The following NEXMIF variants were observed in gnomAD, a reference collection of about 807,000 sequenced individuals.
NEXMIF encodes neurite extension and migration factor.
Under a neutral mutation model 62.1 loss-of-function variants are expected in NEXMIF, and 8 were observed. That is an observed-to-expected ratio of 0.13 (90% confidence interval 0.08 to 0.23). The LOEUF is 0.23. Ranked by LOEUF, NEXMIF falls within the 10% of genes least tolerant of loss-of-function variation. NEXMIF has a pLI of 1.00. For synonymous variants in NEXMIF, 404 were observed against 416.6 expected (o/e 0.97, Z 0.37); for missense variants, 976 against 1,113.3 (o/e 0.88, Z 1.75).
At chrX:74,829,606 G>T (rs1377916190) in intron 1 of NEXMIF, among the ~76,000 whole-genome samples, 1 of 111,508 alleles carries the variant, frequency 9.0e-6, no homozygotes, top group Non-Finnish European at 1.9e-5. Context: ...AGCCCTATTT[G>T]CATTTTTTTG....
chrX:74,751,649 C>T (rs1189070621), intron 1 of NEXMIF, among the ~76,000 whole-genome samples: 3 of 99,378 alleles, frequency 3.0e-5, no homozygotes, highest in Non-Finnish European at 6.0e-5. Flanking sequence ...TCCTTCCTTC[C>T]TTCCTTCCTT....
In NEXMIF at chrX:74,925,397, T is replaced by TGGC. The variant is rs1416539725; in HGVS notation, c.-565_-563dup. 31 of 193,510 alleles carry TGGC rather than the reference T, an allele frequency of 1.6e-4. 1 individual carries two copies. Among genetic ancestry groups the TGGC allele is most frequent in the Admixed American group, 3.2e-4 (6 of 18,656 alleles). 15.9% of individuals were successfully genotyped at this position (193,510 alleles called of 1,213,427 possible). Reference sequence around the variant, plus strand: ...GCTACTGCCGCTAATGCTACTGCTGTGGCGGCGGTGGTGGCGGCGGCGGCT... The same window carrying TGGC: ...GCTACTGCCGCTAATGCTACTGCTGTGGCGGCGGCGGTGGTGGCGGCGGCGGCT... On this transcript the variant is annotated 5_prime_UTR_variant, in exon 1 of 4. Coordinates refer to ENST00000055682, the MANE Select transcript of NEXMIF (RefSeq NM_001008537.3).
chrX:74,812,910 T>C (rs2080364928), intron 1 of NEXMIF, among the ~76,000 whole-genome samples: 2 of 111,739 alleles, frequency 1.8e-5, no homozygotes, highest in Non-Finnish European at 3.8e-5. Context: ...TTTCTCCTAA[T>C]GTGATTGGTG....
intron 1 of NEXMIF, among the ~76,000 whole-genome samples, chrX:74,816,553 G>A (rs906531099): frequency 1.8e-5 from 2 of 111,883 alleles, no homozygotes; most frequent in African/African-American, 3.2e-5. Flanking sequence ...AGAATGAAAA[G>A]ATAATGAATA....
chrX:74,796,171 T>TACA (rs1556023986), intron 1 of NEXMIF, among the ~76,000 whole-genome samples: 1 of 71,831 alleles, frequency 1.4e-5, no homozygotes, highest in Non-Finnish European at 2.5e-5. Flanking sequence ...ATTATATATA[T>TACA]TATATATATA....
chrX:74,750,741 A>AT (rs1350182123), intron 1 of NEXMIF, among the ~76,000 whole-genome samples: 1 of 111,409 alleles, frequency 9.0e-6, no homozygotes, highest in African/African-American at 3.3e-5. Flanking sequence ...TTAAGACCCT[A>AT]AGCTAGAAAT....
At position 74,870,925 on chromosome X, in the gene NEXMIF, TA is replaced by T. The variant is rs1336771890; in HGVS notation, c.-48+53957del. On this transcript the variant is annotated intron_variant, in intron 1 of 3. Transcript: ENST00000055682. ...ACAGTTTGTAGGGTCCTCAAAAAAC[TA>T]AAGATAGAGCTACCACAAAATCTAG... Among the ~76,000 whole-genome samples, 34 of 111,789 alleles carry T rather than the reference TA, an allele frequency of 3.0e-4. No individual in the cohort carries two copies. The Admixed American group carries it at 3.0e-3, about 10-fold the overall frequency.
chrX:74,884,130 A>C (rs974362312), intron 1 of NEXMIF, among the ~76,000 whole-genome samples: 7 of 111,854 alleles, frequency 6.3e-5, no homozygotes, highest in African/African-American at 2.0e-4. Context: ...CTGCCCTAAA[A>C]AGCTCCTGAA....
intron 1 of NEXMIF, among the ~76,000 whole-genome samples, chrX:74,840,501 T>G (rs1044728178): frequency 2.7e-5 from 3 of 112,240 alleles, no homozygotes; most frequent in African/African-American, 6.5e-5. Context: ...AGATCCCACT[T>G]GTCAATTTTT....
chrX:74,802,476 A>G (rs1198637259), intron 1 of NEXMIF, among the ~76,000 whole-genome samples: 1 of 111,362 alleles, frequency 9.0e-6, no homozygotes, highest in African/African-American at 3.3e-5. Flanking sequence ...CGGTACCTCT[A>G]AGAGTCTGCA....
intron 1 of NEXMIF, among the ~76,000 whole-genome samples, chrX:74,788,952 TTTTATTTATTTA>T (rs770694672): frequency 9.0e-6 from 1 of 110,760 alleles, no homozygotes; most frequent in Non-Finnish European, 1.9e-5. Flanking sequence ...ATTGATATTC[TTTTATTTATTTA>T]TTTATTTATT....
At chrX:74,787,734 T>C (rs745521436) in intron 1 of NEXMIF, among the ~76,000 whole-genome samples, 19 of 111,888 alleles carry the variant, frequency 1.7e-4, no homozygotes, top group Non-Finnish European at 2.4e-4. Context: ...CTTACCTCTT[T>C]GGGCGAGAGA....
At chrX:74,837,527 T>C (rs1438982876) in intron 1 of NEXMIF, among the ~76,000 whole-genome samples, 2 of 112,394 alleles carry the variant, frequency 1.8e-5, no homozygotes, top group African/African-American at 6.5e-5. Context: ...TGTTCCCTGC[T>C]TTTGTCACAT....
chrX:74,737,738 T>C lies in NEXMIF; in HGVS notation c.*1667A>G, dbSNP rs923036283. 1.8e-5 allele frequency: 2 copies of C among 111,616 alleles called. No homozygotes were observed. Among genetic ancestry groups the C allele is most frequent in the Non-Finnish European group, 3.8e-5 (2 of 53,086 alleles). The allele number at this position is 111,616 out of a possible 1,213,427, so 9.2% of individuals were successfully genotyped here. The stretch of plus-strand genomic sequence containing the variant: ...ATACATTTAGGTGGCATTGACTAGG[T>C]AGGTTCATATTTTGCTTAAAATTTT... On this transcript the variant is annotated 3_prime_UTR_variant, in exon 4 of 4. Transcript: ENST00000055682.
intron 1 of NEXMIF, among the ~76,000 whole-genome samples, chrX:74,894,145 A>T (rs2080726047): frequency 9.1e-6 from 1 of 109,842 alleles, no homozygotes; most frequent in African/African-American, 3.3e-5. Flanking sequence ...TACAAAAAAA[A>T]AAATATATCT....
At chrX:74,844,910 C>A (rs985046979) in intron 1 of NEXMIF, among the ~76,000 whole-genome samples, 5 of 111,858 alleles carry the variant, frequency 4.5e-5, no homozygotes, top group Non-Finnish European at 7.5e-5. Context: ...TTTTTTTCAA[C>A]AAAACTAACT....
chrX:74,752,996 C>T (rs1271103193), intron 1 of NEXMIF, among the ~76,000 whole-genome samples: 1 of 111,353 alleles, frequency 9.0e-6, no homozygotes, highest in African/African-American at 3.3e-5. Flanking sequence ...TGGAAGATGG[C>T]GAGTCCTCTG....
In NEXMIF at chrX:74,870,997, A is replaced by T. The variant is rs186640403; in HGVS notation, c.-48+53886T>A. Among the ~76,000 whole-genome samples, 387 of 112,136 alleles carry T rather than the reference A, an allele frequency of 3.5e-3. 2 individuals carry two copies. Among genetic ancestry groups the T allele is most frequent in the African/African-American group, 0.012 (371 of 30,888 alleles). On this transcript the variant is annotated intron_variant, in intron 1 of 3. Coordinates refer to ENST00000055682, the MANE Select transcript of NEXMIF (RefSeq NM_001008537.3). ...TACCCAAAAGAAAGGAAAATGGTAC[A>T]TCGAAGAGATATTGGTACTCCTGTG...
chrX:74,791,730 A>T (rs1000248267), intron 1 of NEXMIF, among the ~76,000 whole-genome samples: 1 of 109,921 alleles, frequency 9.1e-6, no homozygotes, highest in African/African-American at 3.3e-5. Flanking sequence ...CGAGGAATTT[A>T]TCCATTTCTT....
Sources: allele counts gnomAD v4.1 joint callset (sites outside exome capture counted in the v4.1 genomes callset), GRCh38; gene constraint gnomAD v4.1.1; transcripts MANE v1.5; gene names NCBI Gene and HGNC (gene_info 2026-07-23, HGNC 2026-07-21).